Variants in GULP1 observed in about 807,000 individuals in gnomAD.
The protein encoded by GULP1 is PTB domain-containing engulfment adapter protein 1.
A neutral mutation model predicts 40.9 loss-of-function variants in GULP1; 19 were observed. The ratio of observed to expected loss-of-function variants is 0.46; its 90% CI spans 0.32 to 0.68. The LOEUF is 0.68. GULP1 is among the 30% of genes least tolerant of loss of function. The pLI, the probability that GULP1 is intolerant of heterozygous loss-of-function variation, is 0.03. For missense variants in GULP1, 312 were observed against 362.2 expected (o/e 0.86, Z 1.12); for synonymous variants, 119 against 117.6 (o/e 1.01, Z -0.08).
chr2:188,341,305 G>A (rs1034066097), intron 1 of GULP1, among the ~76,000 whole-genome samples: 1 of 151,972 alleles, frequency 6.6e-6, no homozygotes, highest in African/African-American at 2.4e-5. Context: ...GGAAGGTGCC[G>A]CACACTTCTA....
chr2:188,412,247 G>A (rs768700215), intron 2 of GULP1, among the ~76,000 whole-genome samples: 2 of 152,052 alleles, frequency 1.3e-5, no homozygotes, highest in Admixed American at 6.6e-5. Context: ...ATCAGATCTC[G>A]TGAGAACTCA....
At chr2:188,377,896 G>T (rs2048494099) in intron 1 of GULP1, among the ~76,000 whole-genome samples, 1 of 151,958 alleles carries the variant, frequency 6.6e-6, no homozygotes, top group African/African-American at 2.4e-5. Context: ...TTGGGGTGAG[G>T]TTTGCATACT....
chr2:188,430,758 A>C (rs190886312), intron 2 of GULP1, among the ~76,000 whole-genome samples: 38 of 152,296 alleles, frequency 2.5e-4, no homozygotes, highest in African/African-American at 7.7e-4. Flanking sequence ...CCAGCAATAC[A>C]AACTAAAAAT....
intron 7 of GULP1, chr2:188,541,605 T>C (rs770145450): frequency 1.9e-6 from 1 of 538,352 alleles, no homozygotes; most frequent in African/African-American, 1.9e-5. Context: ...TATAATAATT[T>C]AATCTATTTT....
intron 7 of GULP1, among the ~76,000 whole-genome samples, chr2:188,557,925 G>C (rs1695214129): frequency 6.6e-6 from 1 of 152,164 alleles, no homozygotes; most frequent in Admixed American, 6.5e-5. Flanking sequence ...GCAGGGAGTA[G>C]TGTTGTGAAG....
At chr2:188,582,971 CA>C (rs1701627697) in intron 9 of GULP1, among the ~76,000 whole-genome samples, 3 of 152,072 alleles carry the variant, frequency 2.0e-5, no homozygotes. Context: ...AAAAGAAAAA[CA>C]GAATAGAGGC....
intron 9 of GULP1, among the ~76,000 whole-genome samples, chr2:188,571,342 G>A (rs1459923044): frequency 6.6e-6 from 1 of 152,126 alleles, no homozygotes; most frequent in African/African-American, 2.4e-5. Flanking sequence ...TGTTTCTATA[G>A]AAGTTTCATT....
At chr2:188,482,547 C>T (rs1309978443) in intron 3 of GULP1, among the ~76,000 whole-genome samples, 1 of 151,650 alleles carries the variant, frequency 6.6e-6, no homozygotes, top group African/African-American at 2.4e-5. Context: ...AGTCTTACTC[C>T]ACATAAGTGC....
chr2:188,557,374 AT>A (rs1195952355), intron 7 of GULP1, among the ~76,000 whole-genome samples: 1 of 152,212 alleles, frequency 6.6e-6, no homozygotes, highest in Non-Finnish European at 1.5e-5. Context: ...CTGGGTAAAC[AT>A]TCCCATTCCA....
chr2:188,571,477 A>G (rs2153435119), intron 9 of GULP1, among the ~76,000 whole-genome samples: 1 of 152,298 alleles, frequency 6.6e-6, no homozygotes, highest in South Asian at 2.1e-4. Context: ...GGTTTGTGCC[A>G]GTAGGGCTCC....
At chr2:188,335,260 A>AG (rs910617661) in intron 1 of GULP1, among the ~76,000 whole-genome samples, 2 of 152,150 alleles carry the variant, frequency 1.3e-5, no homozygotes, top group African/African-American at 2.4e-5. Flanking sequence ...CACTTTTGGC[A>AG]GGGGGGAAGA....
intron 4 of GULP1, among the ~76,000 whole-genome samples, chr2:188,508,738 A>G (rs561838950): frequency 8.5e-5 from 13 of 152,056 alleles, no homozygotes; most frequent in South Asian, 2.1e-4. Flanking sequence ...GTGGAAAAGA[A>G]TAAAAGCCAC....
At chr2:188,552,090 T>C (rs2153378252) in intron 7 of GULP1, among the ~76,000 whole-genome samples, 1 of 151,818 alleles carries the variant, frequency 6.6e-6, no homozygotes, top group African/African-American at 2.4e-5. Flanking sequence ...AGATGAATAA[T>C]CCGAAAATAT....
chr2:188,551,478 C>A (rs1488389551), intron 7 of GULP1, among the ~76,000 whole-genome samples: 2 of 151,714 alleles, frequency 1.3e-5, no homozygotes, highest in Admixed American at 1.3e-4. Context: ...CAGTTCCATC[C>A]ATGTTGCTGC....
At position 188,594,858 on chromosome 2, in the gene GULP1, C is replaced by G. The variant is rs1475687410; in HGVS notation, c.*847C>G. On this transcript the variant is annotated 3_prime_UTR_variant, in exon 12 of 12. Coordinates refer to ENST00000409830, the MANE Select transcript of GULP1 (RefSeq NM_016315.4). ...TATCTACTACCCATATTTACTTTAC[C>G]AAATATATTTCTCCTCACTGCATAA... The G allele has an allele frequency of 6.6e-6, 1 of 151,452 alleles. No homozygotes were observed. The allele number at this position is 151,452 out of a possible 1,614,324, so 9.4% of individuals were successfully genotyped here.
At chr2:188,466,349 C>T (rs1228103114) in intron 2 of GULP1, 1 of 151,498 alleles carries the variant, frequency 6.6e-6, no homozygotes, top group Non-Finnish European at 1.5e-5. Context: ...GCAATCTCAG[C>T]TCACTGCAAG....
intron 3 of GULP1, among the ~76,000 whole-genome samples, chr2:188,479,736 A>G (rs2061306725): frequency 6.6e-6 from 1 of 152,244 alleles, no homozygotes; most frequent in Admixed American, 6.6e-5. Flanking sequence ...CCACATCTGT[A>G]ATTTACTGTT....
At chr2:188,429,679 C>A (rs1281840923) in intron 2 of GULP1, among the ~76,000 whole-genome samples, 4 of 151,746 alleles carry the variant, frequency 2.6e-5, no homozygotes, top group Non-Finnish European at 5.9e-5. Context: ...TCGGCTAGAG[C>A]AGGTAGGACT....
intron 4 of GULP1, among the ~76,000 whole-genome samples, chr2:188,500,950 G>C (rs2063373506): frequency 6.6e-6 from 1 of 151,850 alleles, no homozygotes. Flanking sequence ...AATCCTGCTA[G>C]CACTGTTAAC....
Sources: allele counts gnomAD v4.1 joint callset (sites outside exome capture counted in the v4.1 genomes callset), GRCh38; gene constraint gnomAD v4.1.1; transcripts MANE v1.5; gene names NCBI Gene and HGNC (gene_info 2026-07-23, HGNC 2026-07-21).